The following COTL1 variants were observed in gnomAD, a reference collection of about 807,000 sequenced individuals.
COTL1 encodes the protein coactosin-like protein.
In COTL1, 15 loss-of-function variants were observed where a neutral mutation model predicts 16.5. The ratio of observed to expected loss-of-function variants is 0.91; its 90% CI spans 0.61 to 1.40. COTL1 has a LOEUF of 1.40. COTL1 is among the 40% of genes most tolerant of loss of function. COTL1 has a pLI of 0.00. For synonymous variants in COTL1, 112 were observed against 85.3 expected (o/e 1.31, Z -1.73); for missense variants, 220 against 201.5 (o/e 1.09, Z -0.56).
At chr16:84,572,802 G>C (rs1348964276) in intron 3 of COTL1, among the ~76,000 whole-genome samples, 1 of 152,042 alleles carries the variant, frequency 6.6e-6, no homozygotes, top group Non-Finnish European at 1.5e-5. Context: ...TGCCAGGCTG[G>C]AGGGCACTGG....
chr16:84,606,286 G>T (rs139525591), intron 2 of COTL1, among the ~76,000 whole-genome samples: 3 of 152,218 alleles, frequency 2.0e-5, no homozygotes, highest in Non-Finnish European at 2.9e-5. Flanking sequence ...GGTAGCGGCC[G>T]GGAGCCTTGT....
intron 3 of COTL1, among the ~76,000 whole-genome samples, chr16:84,587,384 C>T (rs1398370007): frequency 6.6e-6 from 1 of 152,118 alleles, no homozygotes. Context: ...CCCCACCTCC[C>T]GAGATTGTTT....
chr16:84,614,544 G>T (rs1036451669), intron 2 of COTL1, among the ~76,000 whole-genome samples: 13 of 152,120 alleles, frequency 8.5e-5, no homozygotes, highest in African/African-American at 3.1e-4. Flanking sequence ...GCCAGGGAAG[G>T]GGGTGTTTCA....
At chr16:84,596,284 G>C (rs117833256) in intron 2 of COTL1, 1 of 152,260 alleles carries the variant, frequency 6.6e-6, no homozygotes, top group Non-Finnish European at 1.5e-5. Context: ...CAGGGTGCAA[G>C]TTCAAATTCC....
intron 3 of COTL1, among the ~76,000 whole-genome samples, chr16:84,583,437 C>A (rs140511104): frequency 1.3e-5 from 2 of 152,160 alleles, no homozygotes; most frequent in African/African-American, 4.8e-5. Context: ...CCGATCCTGC[C>A]CCTGGGGTTT....
intron 2 of COTL1, among the ~76,000 whole-genome samples, chr16:84,605,420 C>T (rs1411318644): frequency 6.6e-6 from 1 of 152,226 alleles, no homozygotes; most frequent in Non-Finnish European, 1.5e-5. Context: ...GCCCCTAAGA[C>T]ATCTATGTCC....
intron 2 of COTL1, among the ~76,000 whole-genome samples, chr16:84,605,349 G>A (rs573943134): frequency 7.2e-5 from 11 of 152,360 alleles, no homozygotes; most frequent in South Asian, 2.1e-4. Flanking sequence ...CAGGGCCCGC[G>A]ATGCTGGGTC....
At chr16:84,578,531 C>T (rs986921296) in intron 3 of COTL1, among the ~76,000 whole-genome samples, 4 of 152,188 alleles carry the variant, frequency 2.6e-5, no homozygotes, top group African/African-American at 9.7e-5. Flanking sequence ...CAGCAGATCA[C>T]AGGATTCACT....
intron 2 of COTL1, among the ~76,000 whole-genome samples, chr16:84,615,592 T>C (rs1377158351): frequency 6.6e-6 from 1 of 152,188 alleles, no homozygotes; most frequent in Non-Finnish European, 1.5e-5. Context: ...CTGTAAAGCA[T>C]AGCCTCAGAG....
At chr16:84,581,881 T>A (rs1362775709) in intron 3 of COTL1, among the ~76,000 whole-genome samples, 1 of 152,014 alleles carries the variant, frequency 6.6e-6, no homozygotes, top group Admixed American at 6.6e-5. Context: ...GTAATTAGCT[T>A]CCACAATTTA....
chr16:84,614,312 A>G (rs1450284252), intron 2 of COTL1, among the ~76,000 whole-genome samples: 1 of 152,150 alleles, frequency 6.6e-6, no homozygotes, highest in Non-Finnish European at 1.5e-5. Flanking sequence ...AGCAGCGCAG[A>G]CCCAGAGCAG....
chr16:84,603,403 G>A (rs1305738866), intron 2 of COTL1, among the ~76,000 whole-genome samples: 5 of 152,160 alleles, frequency 3.3e-5, no homozygotes, highest in African/African-American at 1.2e-4. Flanking sequence ...AAACCCGGCC[G>A]TGGGTACAAC....
At chr16:84,569,939 T>C (rs965372210) in intron 3 of COTL1, among the ~76,000 whole-genome samples, 1 of 152,192 alleles carries the variant, frequency 6.6e-6, no homozygotes, top group African/African-American at 2.4e-5. Flanking sequence ...ATAAGAACAC[T>C]TGAAGTTCCA....
intron 3 of COTL1, chr16:84,567,184 A>C (rs1361279142): frequency 4.2e-6 from 2 of 477,016 alleles, no homozygotes; most frequent in Non-Finnish European, 7.6e-6. Context: ...GGAGTGGGGC[A>C]GATCTGATGC....
intron 2 of COTL1, among the ~76,000 whole-genome samples, chr16:84,613,917 A>G (rs751130695): frequency 9.2e-5 from 14 of 151,876 alleles, no homozygotes; most frequent in Non-Finnish European, 1.9e-4. Context: ...ACATGACCTC[A>G]GGGCCAAAGA....
At chr16:84,599,872 C>G (rs1188476013) in intron 2 of COTL1, among the ~76,000 whole-genome samples, 1 of 152,194 alleles carries the variant, frequency 6.6e-6, no homozygotes, top group Non-Finnish European at 1.5e-5. Context: ...CATCCTGCTG[C>G]CCAGAGCAAG....
chr16:84,589,270 C>G (rs1411924821), intron 3 of COTL1, among the ~76,000 whole-genome samples: 1 of 152,232 alleles, frequency 6.6e-6, no homozygotes, highest in Non-Finnish European at 1.5e-5. Context: ...GCCACCGCAC[C>G]CAGCTGAGTC....
intron 2 of COTL1, chr16:84,595,423 C>G (rs1014408441): frequency 2.0e-5 from 3 of 152,214 alleles, no homozygotes; most frequent in East Asian, 3.8e-4. Context: ...TGCAGCTGCC[C>G]GGCAGACTGG....
At chr16:84,609,574 A>T (rs970623563) in intron 2 of COTL1, among the ~76,000 whole-genome samples, 2 of 152,174 alleles carry the variant, frequency 1.3e-5, no homozygotes, top group Non-Finnish European at 2.9e-5. Flanking sequence ...GTTCTACCTT[A>T]AGGGCCTCTT....
Sources: allele counts gnomAD v4.1 joint callset (sites outside exome capture counted in the v4.1 genomes callset), GRCh38; gene constraint gnomAD v4.1.1; transcripts MANE v1.5; gene names NCBI Gene and HGNC (gene_info 2026-07-23, HGNC 2026-07-21).